Variants in IL10RA observed in about 807,000 individuals in gnomAD.
IL10RA encodes interleukin 10 receptor subunit alpha.
Under a neutral mutation model 29.6 loss-of-function variants are expected in IL10RA, and 18 were observed. The ratio of observed to expected loss-of-function variants is 0.61; its 90% CI spans 0.42 to 0.90. The LOEUF (loss-of-function observed/expected upper bound fraction) is 0.90, where lower values mean the gene tolerates loss of function less well. Among genes scored for constraint, IL10RA ranks in the 40% least tolerant of loss-of-function variants. The pLI is 0.00. For synonymous variants in IL10RA, 292 were observed against 294.1 expected, an observed-to-expected ratio of 0.99 and a Z score of 0.07; for missense variants, 634 against 716.6, an observed-to-expected ratio of 0.88 and a Z score of 1.32.
chr11:117,994,738 T>C (rs1354481410), intron 5 of IL10RA, among the ~76,000 whole-genome samples: 1 of 152,180 alleles, frequency 6.6e-6, no homozygotes, highest in African/African-American at 2.4e-5. Context: ...CAAGCAACTC[T>C]TATTGGACAG....
In IL10RA at chr11:117,993,311, C is replaced by G; in HGVS notation, c.438C>G (p.Pro146=). 1 of 1,613,908 alleles carries G rather than the reference C, an allele frequency of 6.2e-7. No homozygotes were observed. The highest frequency in any genetic ancestry group is 8.5e-7 in the Non-Finnish European group (1 of 1,179,750). ...TCATCCTCGGGAAGATTCAGCTACC[C>G]AGGCCCAAGATGGCCCCCGCAAATG... ...NGFILGKIQL[P]RPKMAPANDT... The change falls in exon 4 of 7, where the codon CCC becomes CCG. Residue 146 remains proline, a synonymous_variant. Coordinates refer to ENST00000227752, the MANE Select transcript of IL10RA (RefSeq NM_001558.4).
In IL10RA at chr11:118,000,157, TG is replaced by T. The variant is rs1279301104; in HGVS notation, c.*520del. The T allele has an allele frequency of 4.4e-6, 2 of 454,362 alleles. No homozygotes were observed. The highest frequency in any genetic ancestry group is 8.8e-6 in the Non-Finnish European group (2 of 226,958). The allele number at this position is 454,362 out of a possible 1,614,324, so 28.1% of individuals were successfully genotyped here. On this transcript the variant is annotated 3_prime_UTR_variant, in exon 7 of 7. Transcript: ENST00000227752. The stretch of plus-strand genomic sequence containing the variant: ...GAAAAAGGAGGATATGATGGTCACA[TG>T]GGGAACCTCCCCTCATCGGGCCTCT...
chr11:118,000,175 C>T lies in IL10RA; in HGVS notation c.*534C>T, dbSNP rs187851353. 56 of 453,006 alleles carry T rather than the reference C, an allele frequency of 1.2e-4. No individual in the cohort carries two copies. Among genetic ancestry groups the T allele is most frequent in the Admixed American group, 2.6e-4 (11 of 42,464 alleles). 28.1% of individuals were successfully genotyped at this position (453,006 alleles called of 1,614,324 possible). On this transcript the variant is annotated 3_prime_UTR_variant, in exon 7 of 7. Transcript: ENST00000227752. ...GGTCACATGGGGAACCTCCCCTCAT[C>T]GGGCCTCTGGGGCAGGAAGCTTGTC... is the stretch of plus-strand genomic sequence containing the variant.
At chr11:117,995,553 G>A (rs778898217) in intron 5 of IL10RA, 36 bp from the exon 6 acceptor site, 2 of 1,613,456 alleles carry the variant, frequency 1.2e-6, no homozygotes, top group African/African-American at 2.7e-5. Flanking sequence ...GTGCCCCATG[G>A]TGACAGGCCA....
intron 5 of IL10RA, 158 bp from the exon 6 acceptor site, chr11:117,995,431 C>A: frequency 1.1e-6 from 1 of 890,992 alleles, no homozygotes; most frequent in Non-Finnish European, 1.8e-6. Flanking sequence ...TTCGCAGAAA[C>A]CTAGACACAT....
chr11:117,988,496 T>A lies in IL10RA; in HGVS notation c.182T>A (p.Leu61His), dbSNP rs746431716. The change falls in exon 2 of 7, where the codon CTC becomes CAC. Residue 61 changes from leucine (L) to histidine (H), a missense_variant. Physicochemically the swap from Leu to His is moderately conservative, Grantham distance 99. Coordinates refer to ENST00000227752, the MANE Select transcript of IL10RA (RefSeq NM_001558.4). The part of the protein sequence containing the change: ...QSESTCYEVA[L>H]LRYGIESWNS... ...GAAAGTACCTGCTATGAAGTGGCGC[T>A]CCTGAGGTGAGGAAAAGGGAAGAGG... 1 of 1,613,816 alleles carries A rather than the reference T, an allele frequency of 6.2e-7. No individual in the cohort carries two copies. The highest frequency in any genetic ancestry group is 1.1e-5 in the South Asian group (1 of 91,070).
chr11:117,990,275 G>A (rs571492899), intron 3 of IL10RA, among the ~76,000 whole-genome samples: 46 of 152,134 alleles, frequency 3.0e-4, no homozygotes, highest in African/African-American at 1.1e-3. Flanking sequence ...CAGCAAGTGT[G>A]TTTAAAATAT....
At position 117,992,933 on chromosome 11, in the gene IL10RA, A is replaced by G. The variant is rs1410277796; in HGVS notation, c.368-308A>G. The G allele has an allele frequency of 1.0e-5, 4 of 386,116 alleles. No homozygotes were observed. The East Asian group carries it at 1.7e-4, about 16-fold the overall frequency. The allele number at this position is 386,116 out of a possible 1,614,324, so 23.9% of individuals were successfully genotyped here. ...GTGAATATCCAGTTTTCCCAACACC[A>G]TTTGTTGAAGAGACTGTTCTTTTCC... On this transcript the variant is annotated intron_variant, in intron 3 of 6. Transcript: ENST00000227752.
Position 117,998,846 on chromosome 11 carries a change from C to A in IL10RA, c.942C>A (p.His314Gln), listed in dbSNP as rs763364696. Reference protein sequence around the residue: ...VSPELKNLDLHGSTDSGFGST... With the variant: ...VSPELKNLDLQGSTDSGFGST... ...CAGAGCTGAAGAACTTGGACCTGCA[C>A]GGCAGCACAGACAGTGGCTTTGGCA... Residue 314 changes from histidine to glutamine, a missense_variant, in exon 7 of 7, where the codon CAC becomes CAA. Physicochemically the swap from His to Gln is conservative, Grantham distance 24 (BLOSUM62 0). Transcript: ENST00000227752. 3 of 1,614,086 alleles carry A rather than the reference C, an allele frequency of 1.9e-6. No homozygotes were observed. Among genetic ancestry groups the A allele is most frequent in the East Asian group, 2.2e-5 (1 of 44,892 alleles).
chr11:118,000,685 G>C lies in IL10RA; in HGVS notation c.*1044G>C. On this transcript the variant is annotated 3_prime_UTR_variant, in exon 7 of 7. Transcript: ENST00000227752. Reference sequence around the variant, plus strand: ...ATTTTGGACTAGCCACTTGTCAGAGGGCCTCAATCTCCCATCTGTGAAATA... The same window carrying C: ...ATTTTGGACTAGCCACTTGTCAGAGCGCCTCAATCTCCCATCTGTGAAATA... 2.2e-6 allele frequency: 1 copy of C among 454,236 alleles called. No individual in the cohort carries two copies. Among genetic ancestry groups the C allele is most frequent in the Non-Finnish European group, 4.4e-6 (1 of 226,782 alleles). 28.1% of individuals were successfully genotyped at this position (454,236 alleles called of 1,614,324 possible). A position where few individuals can be genotyped will look rare whatever the true frequency, so the allele number is the denominator to read the frequency against.
intron 2 of IL10RA, among the ~76,000 whole-genome samples, chr11:117,988,890 A>G (rs1255774735): frequency 1.3e-5 from 2 of 152,114 alleles, no homozygotes; most frequent in African/African-American, 4.8e-5. Context: ...CCTCCCAAGT[A>G]GCTGGGATTA....
In IL10RA at chr11:117,989,628, TC is replaced by T. The variant is rs780135356; in HGVS notation, c.367+10del. The T allele has an allele frequency of 2.0e-4, 324 of 1,613,384 alleles. No individual in the cohort carries two copies. Among genetic ancestry groups the T allele is most frequent in the Non-Finnish European group, 2.7e-4 (314 of 1,179,912 alleles). On this transcript the variant is annotated intron_variant, in intron 3 of 6. Transcript: ENST00000227752. This position sits in a 1 kb window ranked among gnomAD's most constrained non-coding sequence, Gnocchi z 4.5. ...GCTTCTCTGTGGATGAAGGTGCTTT[TC>T]CTCCCTTGACTTAGAACATGGCTCT...
intron 1 of IL10RA, chr11:117,986,870 C>G: frequency 2.2e-6 from 3 of 1,389,194 alleles, no homozygotes; most frequent in Non-Finnish European, 2.9e-6. Flanking sequence ...ACTTCTTGTC[C>G]CCTTGGGGAA....
Position 117,999,308 on chromosome 11 carries a change from C to T in IL10RA, c.1404C>T (p.Pro468=), listed in dbSNP as rs2058077738. ...CAGGCTGCCTGGAGGAAGAATCGCCCTTGACAGATGGCCTTGGCCCCAAAT... is the reference window on the plus strand; with the variant it reads ...CAGGCTGCCTGGAGGAAGAATCGCCTTTGACAGATGGCCTTGGCCCCAAAT... ...TKTGCLEEES[P]LTDGLGPKFG... Residue 468 remains proline, a synonymous_variant, in exon 7 of 7, where the codon CCC becomes CCT. Coordinates refer to ENST00000227752, the MANE Select transcript of IL10RA (RefSeq NM_001558.4). The T allele has an allele frequency of 1.2e-6, 2 of 1,614,220 alleles. No individual in the cohort carries two copies. The highest frequency in any genetic ancestry group is 1.7e-6 in the Non-Finnish European group (2 of 1,180,034).
At chr11:117,993,532 G>C in intron 4 of IL10RA, 122 bp downstream of exon 4, 1 of 876,270 alleles carries the variant, frequency 1.1e-6, no homozygotes, top group Non-Finnish European at 1.9e-6. Context: ...GTCTGGGATG[G>C]TGGGTGGGCA....
intron 6 of IL10RA, 148 bp from the exon 7 acceptor site, chr11:117,998,567 C>T (rs2058070707): frequency 6.8e-6 from 5 of 737,786 alleles, no homozygotes; most frequent in East Asian, 2.7e-5. Flanking sequence ...AAGCTGGATT[C>T]GAAAACAAAA....
Position 117,988,422 on chromosome 11 carries a change from A to G in IL10RA, c.108A>G (p.Ala36=). 1 of 1,614,212 alleles carries G rather than the reference A, an allele frequency of 6.2e-7. No homozygotes were observed. Among genetic ancestry groups the G allele is most frequent in the Non-Finnish European group, 8.5e-7 (1 of 1,180,032 alleles). ...GCCCTCCGTCTGTGTGGTTTGAAGC[A>G]GAATTTTTCCACCACATCCTCCACT... ...LPSPPSVWFE[A]EFFHHILHWT... Residue 36 remains alanine, a synonymous_variant, in exon 2 of 7, where the codon GCA becomes GCG. Coordinates refer to ENST00000227752, the MANE Select transcript of IL10RA (RefSeq NM_001558.4).
intron 1 of IL10RA, 161 bp downstream of exon 1, chr11:117,986,695 G>C: frequency 6.5e-7 from 1 of 1,534,840 alleles, no homozygotes; most frequent in Non-Finnish European, 8.7e-7. Flanking sequence ...CTCACCTGTT[G>C]TGGAAGTGGA....
At chr11:117,996,125 C>G (rs1346059687) in intron 6 of IL10RA, among the ~76,000 whole-genome samples, 1 of 152,146 alleles carries the variant, frequency 6.6e-6, no homozygotes, top group Admixed American at 6.5e-5. Flanking sequence ...CAGGAAGAGT[C>G]AGGGAGGGAA....
Sources: gnomAD v4.1 joint callset for allele counts (sites outside exome capture counted in the v4.1 genomes callset) on GRCh38, gnomAD v4.1.1 for gene constraint, Gnocchi (gnomAD v3.1) non-coding constraint, MANE v1.5 for transcripts, NCBI Gene and HGNC (gene_info 2026-07-23, HGNC 2026-07-21) for gene names.